The following CMIP variants were observed in gnomAD, a reference collection of about 807,000 sequenced individuals.
CMIP encodes the protein C-Maf-inducing protein.
Under a neutral mutation model 97.3 loss-of-function variants are expected in CMIP, and 13 were observed. That is an observed-to-expected ratio of 0.13 (90% CI 0.09 to 0.21). The LOEUF is 0.21. Ranked by LOEUF, CMIP falls within the 10% of genes least tolerant of loss-of-function variation. The pLI, the probability that CMIP is intolerant of heterozygous loss-of-function variation, is 1.00. For synonymous variants in CMIP, 538 were observed against 436.3 expected (o/e 1.23, Z -2.91); for missense variants, 847 against 1,024.9 (o/e 0.83, Z 2.37).
At chr16:81,516,905 C>T (rs904928912) in intron 1 of CMIP, among the ~76,000 whole-genome samples, 3 of 152,158 alleles carry the variant, frequency 2.0e-5, no homozygotes, top group African/African-American at 7.2e-5. Flanking sequence ...TCAAGGTCAT[C>T]GGTGAAAAAC....
chr16:81,480,015 A>T (rs2966080), intron 1 of CMIP, among the ~76,000 whole-genome samples: 90,371 of 151,978 alleles, frequency 0.59, 27,157 homozygotes, highest in East Asian at 0.78. Flanking sequence ...TCACCTGGGG[A>T]TCTTCGTAAC....
At chr16:81,686,692 T>C (rs560202839) in intron 10 of CMIP, among the ~76,000 whole-genome samples, 1 of 152,244 alleles carries the variant, frequency 6.6e-6, no homozygotes, top group South Asian at 2.1e-4. Context: ...TATCGTGGGC[T>C]TATTTGGAGG....
At position 81,640,772 on chromosome 16, in the gene CMIP, C is replaced by G. The variant is rs867207683; in HGVS notation, c.478-11431C>G. 7.7e-3 allele frequency among the ~76,000 whole-genome samples: 441 copies of G among 57,480 alleles called. 7 individuals carry two copies. Among genetic ancestry groups the G allele is most frequent in the African/African-American group, 0.011 (227 of 20,006 alleles). The allele number at this position is 57,480 out of a possible 152,430, so 37.7% of individuals were successfully genotyped here. ...TGTGTGTGTGTGTGTGTGTGTGTGT[C>G]TCTCTCTCTCTCCACATGGCCTTTT... is the stretch of plus-strand genomic sequence containing the variant. On this transcript the variant is annotated intron_variant, in intron 3 of 20. Coordinates refer to ENST00000537098, the MANE Select transcript of CMIP (RefSeq NM_198390.3).
intron 1 of CMIP, among the ~76,000 whole-genome samples, chr16:81,458,133 T>G (rs971060909): frequency 2.0e-5 from 3 of 152,146 alleles, no homozygotes; most frequent in Admixed American, 6.5e-5. Flanking sequence ...AAGCAGGTTT[T>G]TGGGGGAGAT....
rs1326205711 is a variant in CMIP, at chr16:81,551,606, G to A, written c.301-55961G>A. Among the ~76,000 whole-genome samples the A allele has an allele frequency of 2.6e-5, 4 of 152,348 alleles. No homozygotes were observed. In the East Asian group the frequency reaches 7.7e-4, roughly 29 times the overall value. On this transcript the variant is annotated intron_variant, in intron 1 of 20. Transcript: ENST00000537098. ...GGGCCGTGTGCAGTATGTGGGAGCT[G>A]TGGGAACCTGCTCTGTCTTCCGTTT...
At chr16:81,553,447 T>G (rs2090699190) in intron 1 of CMIP, among the ~76,000 whole-genome samples, 1 of 152,192 alleles carries the variant, frequency 6.6e-6, no homozygotes, top group Admixed American at 6.5e-5. Context: ...GCCTTCCTCC[T>G]CTCGGGCCAG....
intron 1 of CMIP, among the ~76,000 whole-genome samples, chr16:81,502,780 A>T (rs1245614394): frequency 1.3e-5 from 2 of 152,216 alleles, no homozygotes; most frequent in African/African-American, 4.8e-5. Context: ...AATGCAAAAA[A>T]CAAAACAAAA....
chr16:81,454,323 G>C lies in CMIP; in HGVS notation c.300+8782G>C, dbSNP rs569100434. ...AATGGAGTCTCAGATAAAGAGAGCT[G>C]GGAGGAAGTAGAGTTTAGTGTCAAA... On this transcript the variant is annotated intron_variant, in intron 1 of 20. Coordinates refer to ENST00000537098, the MANE Select transcript of CMIP (RefSeq NM_198390.3). Among the ~76,000 whole-genome samples the C allele has an allele frequency of 8.5e-5, 13 of 152,296 alleles. No homozygotes were observed. The East Asian group carries it at 1.9e-3, about 23-fold the overall frequency.
chr16:81,676,452 A>G (rs1212752427), intron 9 of CMIP, among the ~76,000 whole-genome samples: 1 of 152,028 alleles, frequency 6.6e-6, no homozygotes, highest in Non-Finnish European at 1.5e-5. Context: ...CTCTCTTGAA[A>G]ATCACCAATC....
chr16:81,565,823 C>T (rs950371357), intron 1 of CMIP, among the ~76,000 whole-genome samples: 6 of 152,212 alleles, frequency 3.9e-5, no homozygotes, highest in Non-Finnish European at 7.3e-5. Flanking sequence ...GGCACGGCGC[C>T]GCCTCCTTCA....
chr16:81,477,981 C>T (rs1266874072), intron 1 of CMIP, among the ~76,000 whole-genome samples: 2 of 152,234 alleles, frequency 1.3e-5, no homozygotes, highest in Admixed American at 6.5e-5. Flanking sequence ...TCCCCGGCTG[C>T]AAGAGCATCT....
chr16:81,623,064 C>A (rs534595172), intron 3 of CMIP, among the ~76,000 whole-genome samples: 1 of 152,126 alleles, frequency 6.6e-6, no homozygotes, highest in Non-Finnish European at 1.5e-5. Context: ...ATTAGCCGGG[C>A]GTAGTGGTGC....
intron 7 of CMIP, among the ~76,000 whole-genome samples, chr16:81,669,643 C>A (rs1269572186): frequency 6.8e-6 from 1 of 147,228 alleles, no homozygotes; most frequent in East Asian, 2.2e-4. Flanking sequence ...CTTCCACACC[C>A]ACCTCACACC....
intron 10 of CMIP, among the ~76,000 whole-genome samples, chr16:81,687,426 G>A (rs1036094449): frequency 6.6e-6 from 1 of 152,182 alleles, no homozygotes; most frequent in Non-Finnish European, 1.5e-5. Context: ...TGGCTTAGGC[G>A]AGAACTGACT....
At chr16:81,597,994 A>G (rs890023185) in intron 1 of CMIP, among the ~76,000 whole-genome samples, 1 of 151,986 alleles carries the variant, frequency 6.6e-6, no homozygotes. Context: ...CTTAGGTGAC[A>G]GCTCTTATCC....
At chr16:81,540,838 G>A (rs537962594) in intron 1 of CMIP, among the ~76,000 whole-genome samples, 336 of 152,096 alleles carry the variant, frequency 2.2e-3, no homozygotes, top group Non-Finnish European at 4.2e-3. Flanking sequence ...GTGCCACCAC[G>A]CCTGGCTAAT....
chr16:81,646,578 A>G (rs538836263), intron 3 of CMIP, among the ~76,000 whole-genome samples: 3 of 152,204 alleles, frequency 2.0e-5, no homozygotes, highest in Non-Finnish European at 4.4e-5. Flanking sequence ...CATCACCACA[A>G]TTCAGTTTTA....
intron 10 of CMIP, among the ~76,000 whole-genome samples, chr16:81,679,295 G>A (rs967575182): frequency 1.3e-5 from 2 of 152,020 alleles, no homozygotes; most frequent in African/African-American, 4.8e-5. Context: ...CACAGCAGTG[G>A]GTGTGTCTAG....
At chr16:81,542,826 TACCATC>T (rs2090473484) in intron 1 of CMIP, among the ~76,000 whole-genome samples, 1 of 152,164 alleles carries the variant, frequency 6.6e-6, no homozygotes, top group Non-Finnish European at 1.5e-5. Flanking sequence ...CACCTCCACA[TACCATC>T]ACATTGCAGG....
Sources: allele counts gnomAD v4.1 joint callset (sites outside exome capture counted in the v4.1 genomes callset), GRCh38; gene constraint gnomAD v4.1.1; transcripts MANE v1.5; gene names NCBI Gene and HGNC (gene_info 2026-07-23, HGNC 2026-07-21).